The following ST8SIA1 variants were observed in gnomAD, a reference collection of about 807,000 sequenced individuals.
ST8SIA1 encodes alpha-N-acetylneuraminide alpha-2,8-sialyltransferase.
In ST8SIA1, 16 loss-of-function variants were observed where a neutral mutation model predicts 35.9. The ratio of observed to expected loss-of-function variants is 0.45; its 90% CI spans 0.30 to 0.68. The LOEUF is 0.68. Among genes scored for constraint, ST8SIA1 ranks in the 30% least tolerant of loss-of-function variants. The probability of loss-of-function intolerance (pLI) is 0.09; values close to 1 mark genes in which losing one functional copy is unlikely to be tolerated. For synonymous variants in ST8SIA1, 170 were observed against 169.6 expected (o/e 1.00, Z -0.02); for missense variants, 383 against 453.6 (o/e 0.84, Z 1.41).
At chr12:22,298,113 T>G (rs1384077804) in intron 1 of ST8SIA1, among the ~76,000 whole-genome samples, 1 of 152,196 alleles carries the variant, frequency 6.6e-6, no homozygotes, top group Non-Finnish European at 1.5e-5. Flanking sequence ...ATGTGCCTCA[T>G]GAGGGCATGG....
chr12:22,201,669 A>G lies in ST8SIA1; in HGVS notation c.954T>C (p.Phe318=). The G allele has an allele frequency of 6.2e-7, 1 of 1,614,162 alleles. No individual in the cohort carries two copies. Among genetic ancestry groups the G allele is most frequent in the Non-Finnish European group, 8.5e-7 (1 of 1,179,992 alleles). ...SHHYYDNVLP[F]SGFHAMPEEF... ...CCTCGGGCATGGCATGGAAGCCAGAAAAGGGTAAGACGTTGTCATAGTAGT... is the reference window on the plus strand; with the variant it reads ...CCTCGGGCATGGCATGGAAGCCAGAGAAGGGTAAGACGTTGTCATAGTAGT... Residue 318 remains phenylalanine (F), a synonymous_variant, in exon 5 of 5, where the codon TTT becomes TTC. Coordinates refer to ENST00000396037, the MANE Select transcript of ST8SIA1 (RefSeq NM_003034.4).
intron 4 of ST8SIA1, among the ~76,000 whole-genome samples, chr12:22,248,008 T>A (rs1865624902): frequency 6.6e-6 from 1 of 152,220 alleles, no homozygotes; most frequent in African/African-American, 2.4e-5. Context: ...CCACAAATAG[T>A]ATTGTTTTAC....
chr12:22,236,068 C>T (rs1352678478), intron 4 of ST8SIA1, among the ~76,000 whole-genome samples: 1 of 152,158 alleles, frequency 6.6e-6, no homozygotes, highest in Non-Finnish European at 1.5e-5. Flanking sequence ...TGATTTTAGA[C>T]ATTTCAGTTT....
intron 1 of ST8SIA1, among the ~76,000 whole-genome samples, chr12:22,304,520 C>T (rs1261796350): frequency 5.3e-5 from 8 of 151,970 alleles, no homozygotes; most frequent in East Asian, 3.9e-4. Flanking sequence ...GGGGAGAAAC[C>T]GGTTTTTCCT....
rs1489252100 is a variant in ST8SIA1 at position 22,200,419 on chromosome 12, T to G, written c.*1133A>C. Reference sequence around the variant, plus strand: ...TTAACTTTGTGTGTGTGTATGTGTGTCTACATGTATGCATACATGTTAAGC... The same window carrying G: ...TTAACTTTGTGTGTGTGTATGTGTGGCTACATGTATGCATACATGTTAAGC... On this transcript the variant is annotated 3_prime_UTR_variant, in exon 5 of 5. Transcript: ENST00000396037. 1 of 152,238 alleles carries G rather than the reference T, an allele frequency of 6.6e-6. No homozygotes were observed. Among genetic ancestry groups the G allele is most frequent in the Admixed American group, 6.5e-5 (1 of 15,276 alleles). The allele number at this position is 152,238 out of a possible 1,614,324, so 9.4% of individuals were successfully genotyped here.
intron 2 of ST8SIA1, 91 bp downstream of exon 2, chr12:22,287,058 A>G (rs1866108954): frequency 3.2e-6 from 4 of 1,233,954 alleles, no homozygotes; most frequent in Non-Finnish European, 4.5e-6. Flanking sequence ...CAAAAAGTCA[A>G]TCTGATGAGT....
intron 1 of ST8SIA1, among the ~76,000 whole-genome samples, chr12:22,332,786 A>C (rs1451678258): frequency 2.0e-5 from 3 of 152,232 alleles, no homozygotes; most frequent in African/African-American, 7.2e-5. Flanking sequence ...AAAGTTTTTA[A>C]AAATGTATAG....
chr12:22,249,778 C>T (rs970470433), intron 3 of ST8SIA1, among the ~76,000 whole-genome samples: 42 of 152,148 alleles, frequency 2.8e-4, no homozygotes, highest in African/African-American at 9.9e-4. Flanking sequence ...AATTAAAGCT[C>T]AGGACAGTGT....
intron 2 of ST8SIA1, among the ~76,000 whole-genome samples, chr12:22,271,789 A>C (rs1865914347): frequency 6.6e-6 from 1 of 152,124 alleles, no homozygotes; most frequent in African/African-American, 2.4e-5. Flanking sequence ...TGTTCTCTGC[A>C]TCCCTCCACT....
chr12:22,244,592 G>A lies in ST8SIA1; in HGVS notation c.584+4414C>T, dbSNP rs1407756238. ...CTGCCTCAGCCTCCCAAGTAGCTGG[G>A]ACTACAGCCACGTGCCACCATACCT... On this transcript the variant is annotated intron_variant, in intron 4 of 4. Coordinates refer to ENST00000396037, the MANE Select transcript of ST8SIA1 (RefSeq NM_003034.4). Among the ~76,000 whole-genome samples the A allele has an allele frequency of 2.0e-5, 3 of 152,070 alleles. No individual in the cohort carries two copies. In the East Asian group the frequency reaches 5.8e-4, roughly 29 times the overall value.
intron 1 of ST8SIA1, among the ~76,000 whole-genome samples, chr12:22,293,236 AG>A (rs1219355453): frequency 1.3e-5 from 2 of 152,252 alleles, no homozygotes; most frequent in African/African-American, 4.8e-5. Context: ...GCAGACACGC[AG>A]CACAGAGACT....
Position 22,305,798 on chromosome 12 carries a change from C to G in ST8SIA1, c.237-18505G>C, listed in dbSNP as rs181322148. 5.8e-3 allele frequency among the ~76,000 whole-genome samples: 888 copies of G among 152,280 alleles called. 3 individuals are homozygous for G. The highest frequency in any genetic ancestry group is 8.1e-3 in the Non-Finnish European group (553 of 68,018). ...ACCTAACTATAAACCCAGCCCAAAA[C>G]AGAATGATCTTTGCTTGGGTAATTT... On this transcript the variant is annotated intron_variant, in intron 1 of 4. Transcript: ENST00000396037.
chr12:22,258,057 G>A (rs1430103831), intron 2 of ST8SIA1, among the ~76,000 whole-genome samples: 10 of 151,750 alleles, frequency 6.6e-5, no homozygotes, highest in African/African-American at 2.2e-4. Context: ...CCATCACTGG[G>A]GTAGTGAGAA....
At chr12:22,283,604 A>C (rs191961768) in intron 2 of ST8SIA1, among the ~76,000 whole-genome samples, 8 of 152,306 alleles carry the variant, frequency 5.3e-5, no homozygotes, top group African/African-American at 1.7e-4. Context: ...GAAGGTTAAA[A>C]ATTCTGCCCT....
chr12:22,224,505 T>C (rs2120670907), intron 4 of ST8SIA1, among the ~76,000 whole-genome samples: 1 of 152,122 alleles, frequency 6.6e-6, no homozygotes, highest in African/African-American at 2.4e-5. Flanking sequence ...GAGACAGGGT[T>C]TTGCCCACCT....
At chr12:22,276,358 C>T (rs61924161) in intron 2 of ST8SIA1, among the ~76,000 whole-genome samples, 14,093 of 152,130 alleles carry the variant, frequency 0.093, 797 homozygotes, top group East Asian at 0.15. Flanking sequence ...CTCCTCTGTC[C>T]CGAGGTTGTC....
intron 1 of ST8SIA1, among the ~76,000 whole-genome samples, chr12:22,297,794 T>C (rs575196578): frequency 6.6e-6 from 1 of 152,256 alleles, no homozygotes; most frequent in African/African-American, 2.4e-5. Context: ...ATACAAGTCT[T>C]AAAATCCTCG....
At chr12:22,254,103 C>T (rs1259882500) in intron 3 of ST8SIA1, among the ~76,000 whole-genome samples, 2 of 152,162 alleles carry the variant, frequency 1.3e-5, no homozygotes, top group East Asian at 3.9e-4. Context: ...TTCACCCTTC[C>T]TGGCCACAGA....
intron 2 of ST8SIA1, among the ~76,000 whole-genome samples, chr12:22,265,224 A>G (rs1313832130): frequency 6.6e-6 from 1 of 152,218 alleles, no homozygotes; most frequent in African/African-American, 2.4e-5. Flanking sequence ...TTTTCTTTTC[A>G]TGATGGAAAG....
Sources: allele counts gnomAD v4.1 joint callset (sites outside exome capture counted in the v4.1 genomes callset), GRCh38; gene constraint gnomAD v4.1.1; transcripts MANE v1.5; gene names NCBI Gene and HGNC (gene_info 2026-07-23, HGNC 2026-07-21).